Variants in CDYL2 observed in about 807,000 individuals in gnomAD.
CDYL2 encodes chromodomain Y-like protein 2.
A neutral mutation model predicts 49.4 loss-of-function variants in CDYL2; 23 were observed. The ratio of observed to expected loss-of-function variants is 0.47; its 90% CI spans 0.34 to 0.66. CDYL2 has a LOEUF of 0.66. Among genes scored for constraint, CDYL2 ranks in the 30% least tolerant of loss-of-function variants. The pLI, the probability that CDYL2 is intolerant of heterozygous loss-of-function variation, is 0.01. For missense variants in CDYL2, 678 were observed against 656.4 expected, an observed-to-expected ratio of 1.03 and a Z score of -0.36; for synonymous variants, 360 against 268.8, an observed-to-expected ratio of 1.34 and a Z score of -3.32.
chr16:80,680,424 G>T (rs1165185942), intron 2 of CDYL2, among the ~76,000 whole-genome samples: 1 of 152,136 alleles, frequency 6.6e-6, no homozygotes, highest in East Asian at 1.9e-4. Flanking sequence ...CTATTCTAGG[G>T]CTCAAAGAGA....
chr16:80,785,252 C>T (rs1457672520), intron 1 of CDYL2, among the ~76,000 whole-genome samples: 1 of 152,116 alleles, frequency 6.6e-6, no homozygotes. Context: ...AGCTGATAAG[C>T]AACTTCAGCA....
intron 1 of CDYL2, among the ~76,000 whole-genome samples, chr16:80,721,207 G>C (rs990907820): frequency 6.7e-6 from 1 of 149,772 alleles, no homozygotes; most frequent in Non-Finnish European, 1.5e-5. Context: ...TCATGTGCTA[G>C]CTGTTTGCTG....
At chr16:80,745,324 C>T (rs775806293) in intron 1 of CDYL2, among the ~76,000 whole-genome samples, 1 of 152,316 alleles carries the variant, frequency 6.6e-6, no homozygotes, top group Non-Finnish European at 1.5e-5. Context: ...TCACCATTCC[C>T]TATGACAGCC....
At chr16:80,763,088 AG>A (rs1235341127) in intron 1 of CDYL2, among the ~76,000 whole-genome samples, 1 of 152,148 alleles carries the variant, frequency 6.6e-6, no homozygotes, top group Non-Finnish European at 1.5e-5. Context: ...GGATCACTTG[AG>A]CCCAGGAGGT....
chr16:80,761,221 G>C (rs544056127), intron 1 of CDYL2, among the ~76,000 whole-genome samples: 3 of 152,084 alleles, frequency 2.0e-5, no homozygotes, highest in Non-Finnish European at 2.9e-5. Flanking sequence ...AGCCCGCCAG[G>C]GGATTCTGGT....
chr16:80,637,742 G>C (rs1025874416), intron 2 of CDYL2, among the ~76,000 whole-genome samples: 2 of 152,104 alleles, frequency 1.3e-5, no homozygotes, highest in Non-Finnish European at 2.9e-5. Context: ...AAAGTAGCTA[G>C]AACAGAAGAA....
At chr16:80,795,210 G>C (rs1401070602) in intron 1 of CDYL2, among the ~76,000 whole-genome samples, 4 of 152,142 alleles carry the variant, frequency 2.6e-5, no homozygotes, top group African/African-American at 9.7e-5. Context: ...TCTGTAGTAT[G>C]GCAATGTGTA....
rs138399187 is a variant in CDYL2 at position 80,724,886 on chromosome 16, G to A, written c.25-39757C>T. Among the ~76,000 whole-genome samples the A allele has an allele frequency of 1.2e-4, 18 of 152,286 alleles. No homozygotes were observed. In the East Asian group the frequency reaches 2.7e-3, roughly 23 times the overall value. On this transcript the variant is annotated intron_variant, in intron 1 of 6. Coordinates refer to ENST00000570137, the MANE Select transcript of CDYL2 (RefSeq NM_152342.4). Reference sequence around the variant, plus strand: ...ATGGCCAATGTGCTCTTCATAGGGTGGCCAGGGGAATCTTTTAAACTGTAA... The same window carrying A: ...ATGGCCAATGTGCTCTTCATAGGGTAGCCAGGGGAATCTTTTAAACTGTAA...
intron 1 of CDYL2, among the ~76,000 whole-genome samples, chr16:80,792,482 A>G (rs1907640119): frequency 6.6e-6 from 1 of 152,164 alleles, no homozygotes; most frequent in African/African-American, 2.4e-5. Context: ...AAGAAACCAT[A>G]AGCATGCTCC....
rs569814157 is a variant in CDYL2 at position 80,636,369 on chromosome 16, C to A, written c.617-3133G>T. On this transcript the variant is annotated intron_variant, in intron 2 of 6. Coordinates refer to ENST00000570137, the MANE Select transcript of CDYL2 (RefSeq NM_152342.4). The stretch of plus-strand genomic sequence containing the variant: ...ACTTAAACAAATTTACAAGAAAAAA[C>A]CCAAACAACCCCATCAAAAAGTGGG... 1.1e-4 allele frequency among the ~76,000 whole-genome samples: 16 copies of A among 152,010 alleles called. No individual in the cohort carries two copies. The South Asian group carries it at 2.7e-3, about 26-fold the overall frequency.
At chr16:80,716,385 G>C (rs1904799115) in intron 1 of CDYL2, among the ~76,000 whole-genome samples, 1 of 152,218 alleles carries the variant, frequency 6.6e-6, no homozygotes, top group Non-Finnish European at 1.5e-5. Context: ...TGGATGGCTG[G>C]GTAGATGAAT....
intron 2 of CDYL2, among the ~76,000 whole-genome samples, chr16:80,646,694 C>G (rs1047636026): frequency 6.6e-6 from 1 of 152,188 alleles, no homozygotes; most frequent in African/African-American, 2.4e-5. Context: ...GAGGCTGAGG[C>G]AGGAGAATTG....
chr16:80,681,199 AC>A lies in CDYL2; in HGVS notation c.616+3338del, dbSNP rs577903505. ...AAAACCATATAAAAAGCAACAGCCC[AC>A]CCCCAAAACAAATGCTGTGCAACTG... On this transcript the variant is annotated intron_variant, in intron 2 of 6. Transcript: ENST00000570137. Among the ~76,000 whole-genome samples, 3 of 152,090 alleles carry A rather than the reference AC, an allele frequency of 2.0e-5. No individual in the cohort carries two copies. The South Asian group carries it at 6.2e-4, about 32-fold the overall frequency.
At chr16:80,736,950 AT>A (rs1474174859) in intron 1 of CDYL2, among the ~76,000 whole-genome samples, 3 of 152,156 alleles carry the variant, frequency 2.0e-5, no homozygotes, top group Non-Finnish European at 4.4e-5. Context: ...AGCCCTGGAA[AT>A]TTATATTACA....
chr16:80,649,956 T>C (rs537347118), intron 2 of CDYL2, among the ~76,000 whole-genome samples: 3 of 152,260 alleles, frequency 2.0e-5, no homozygotes, highest in Admixed American at 6.5e-5. Flanking sequence ...TCCTGCCATA[T>C]ATAAAAATCA....
At chr16:80,715,861 G>A (rs776226343) in intron 1 of CDYL2, among the ~76,000 whole-genome samples, 97 of 152,130 alleles carry the variant, frequency 6.4e-4, no homozygotes, top group Admixed American at 1.6e-3. Flanking sequence ...TTGTGCCCTG[G>A]AAAGTCCTTT....
intron 3 of CDYL2, among the ~76,000 whole-genome samples, chr16:80,623,732 G>A (rs1230616147): frequency 6.6e-6 from 1 of 152,208 alleles, no homozygotes; most frequent in Non-Finnish European, 1.5e-5. Flanking sequence ...GTCACTGTGA[G>A]AAGTTTGCAA....
intron 1 of CDYL2, among the ~76,000 whole-genome samples, chr16:80,740,148 G>A (rs1284301843): frequency 1.3e-5 from 2 of 152,198 alleles, no homozygotes; most frequent in African/African-American, 4.8e-5. Context: ...GGACAAGTTT[G>A]TCAGTTCAGT....
intron 1 of CDYL2, chr16:80,742,301 G>A (rs1197267362): frequency 1.3e-5 from 2 of 152,234 alleles, no homozygotes; most frequent in East Asian, 3.8e-4. Context: ...ACACATTCCA[G>A]AATATTCACT....
Sources: gnomAD v4.1 joint callset for allele counts (sites outside exome capture counted in the v4.1 genomes callset) on GRCh38, gnomAD v4.1.1 for gene constraint, MANE v1.5 for transcripts, NCBI Gene and HGNC (gene_info 2026-07-23, HGNC 2026-07-21) for gene names.